Variants in MTUS2 observed in about 807,000 individuals in gnomAD.
The protein encoded by MTUS2 is microtubule associated scaffold protein 2.
A neutral mutation model predicts 114.1 loss-of-function variants in MTUS2; 40 were observed. That is an observed-to-expected ratio of 0.35 (90% confidence interval 0.27 to 0.46). MTUS2 has a LOEUF of 0.46. Among genes scored for constraint, MTUS2 ranks in the 20% least tolerant of loss-of-function variants. The pLI, the probability that MTUS2 is intolerant of heterozygous loss-of-function variation, is 1.00. For missense variants in MTUS2, 1,679 were observed against 1,705.4 expected, an observed-to-expected ratio of 0.98 and a Z score of 0.27; for synonymous variants, 688 against 672.0, an observed-to-expected ratio of 1.02 and a Z score of -0.37.
intron 6 of MTUS2, among the ~76,000 whole-genome samples, chr13:29,320,522 A>G (rs1030942910): frequency 6.6e-6 from 1 of 152,254 alleles, no homozygotes; most frequent in Non-Finnish European, 1.5e-5. Context: ...CTGAGCACTC[A>G]GCCTCCGTGA....
At position 29,084,440 on chromosome 13, in the gene MTUS2, C is replaced by T. The variant is rs990510694; in HGVS notation, c.2447-16333C>T. 2.6e-5 allele frequency among the ~76,000 whole-genome samples: 4 copies of T among 152,014 alleles called. No homozygotes were observed. The East Asian group carries it at 7.7e-4, about 29-fold the overall frequency. ...GCTTAGATTTATAAGTTCCATCCTC[C>T]AGAGAAGTTCAAATCAGTATTGTCA... On this transcript the variant is annotated intron_variant, in intron 4 of 15. Coordinates refer to ENST00000612955, the MANE Select transcript of MTUS2 (RefSeq NM_001033602.4).
chr13:29,390,570 T>A (rs1316623398), intron 8 of MTUS2, among the ~76,000 whole-genome samples: 1 of 148,150 alleles, frequency 6.7e-6, no homozygotes, highest in African/African-American at 2.5e-5. Context: ...GGAGAATCGC[T>A]GGAACCCAGG....
chr13:29,127,634 GA>G (rs1444151417), intron 5 of MTUS2, among the ~76,000 whole-genome samples: 1 of 152,100 alleles, frequency 6.6e-6, no homozygotes, highest in Non-Finnish European at 1.5e-5. Context: ...CTCATTTTTT[GA>G]AATCTCTGTG....
At chr13:29,265,923 T>C (rs1008973532) in intron 5 of MTUS2, among the ~76,000 whole-genome samples, 5 of 152,158 alleles carry the variant, frequency 3.3e-5, no homozygotes, top group Non-Finnish European at 7.4e-5. Context: ...GCATCCTGTG[T>C]GTTTCTCTCT....
Position 29,480,170 on chromosome 13 carries a change from G to A in MTUS2, c.3205G>A (p.Glu1069Lys), listed in dbSNP as rs144118917. Residue 1069 changes from glutamate to lysine, a missense_variant, in exon 10 of 16, where the codon GAG becomes AAG. Glu to Lys is a moderately conservative substitution (Grantham distance 56). Around this residue, in one of 3 missense-constraint regions of MTUS2, gnomAD observed 822 missense variants for 899.7 expected, o/e 0.91. Coordinates refer to ENST00000612955, the MANE Select transcript of MTUS2 (RefSeq NM_001033602.4). The surrounding 1 kb of genome is among the most constrained non-coding windows in gnomAD (Gnocchi z 4.4). ...DEVAFHTAKC[E>K]KLQKEKEELE... is the part of the protein sequence containing the mutation. ...CCCAGCCTTCCATACAGCAAAGTGC[G>A]AGAAACTACAAAAGGAGAAGGAGGA... is the stretch of plus-strand genomic sequence containing the variant. 233 of 1,554,636 alleles carry A rather than the reference G, an allele frequency of 1.5e-4. No individual in the cohort carries two copies. The highest frequency in any genetic ancestry group is 1.9e-4 in the Non-Finnish European group (221 of 1,148,666).
At chr13:29,430,463 A>G (rs1326793091) in intron 8 of MTUS2, among the ~76,000 whole-genome samples, 1 of 152,156 alleles carries the variant, frequency 6.6e-6, no homozygotes, top group Non-Finnish European at 1.5e-5. Flanking sequence ...GTAACTTTCC[A>G]GTGTTTTAGC....
chr13:28,929,402 A>G (rs189110130), intron 2 of MTUS2, among the ~76,000 whole-genome samples: 39 of 152,368 alleles, frequency 2.6e-4, no homozygotes, highest in Middle Eastern at 3.4e-3. Context: ...TACAAATTAT[A>G]AGTATTACAT....
chr13:29,162,967 T>C (rs572136226), intron 5 of MTUS2, among the ~76,000 whole-genome samples: 1 of 151,758 alleles, frequency 6.6e-6, no homozygotes, highest in East Asian at 2.0e-4. Context: ...TAACTCTGTG[T>C]CTTGTCTCTA....
chr13:29,393,199 A>G (rs952783400), intron 8 of MTUS2, among the ~76,000 whole-genome samples: 62 of 152,298 alleles, frequency 4.1e-4, no homozygotes, highest in African/African-American at 1.4e-3. Context: ...TGTATGTTGT[A>G]GTTTCTACTG....
At chr13:29,152,739 G>C (rs1284728918) in intron 5 of MTUS2, among the ~76,000 whole-genome samples, 1 of 151,926 alleles carries the variant, frequency 6.6e-6, no homozygotes, top group Non-Finnish European at 1.5e-5. Flanking sequence ...CCCAAAGATG[G>C]AAAACACAAG....
intron 4 of MTUS2, among the ~76,000 whole-genome samples, chr13:29,047,595 G>C (rs193018097): frequency 0.019 from 2,813 of 150,462 alleles, 44 homozygotes; most frequent in Non-Finnish European, 0.03. Flanking sequence ...CTCACTGCAA[G>C]CTCTGCCTCC....
chr13:29,201,562 G>A (rs990741775), intron 5 of MTUS2, among the ~76,000 whole-genome samples: 6 of 152,230 alleles, frequency 3.9e-5, no homozygotes, highest in Middle Eastern at 3.4e-3. Context: ...GATGCTAGCT[G>A]GTTATTCTGC....
chr13:28,933,557 C>T (rs568584994), intron 2 of MTUS2, among the ~76,000 whole-genome samples: 164 of 152,208 alleles, frequency 1.1e-3, no homozygotes, highest in Non-Finnish European at 2.1e-3. Context: ...ATCAAGTTGA[C>T]ACTTAAAATT....
At chr13:29,190,977 A>G (rs1011141455) in intron 5 of MTUS2, among the ~76,000 whole-genome samples, 8 of 152,118 alleles carry the variant, frequency 5.3e-5, no homozygotes, top group African/African-American at 1.7e-4. Flanking sequence ...CATGCTCCTT[A>G]TAAGAGAGCC....
intron 4 of MTUS2, among the ~76,000 whole-genome samples, chr13:29,085,613 GATCTTGTTCTTTTT>G (rs1195386113): frequency 6.6e-6 from 1 of 152,178 alleles, no homozygotes; most frequent in African/African-American, 2.4e-5. Context: ...CAAAGGACAT[GATCTTGTTCTTTTT>G]TTGTGGCTGT....
At chr13:29,094,975 A>G (rs1410513202) in intron 4 of MTUS2, among the ~76,000 whole-genome samples, 1 of 152,018 alleles carries the variant, frequency 6.6e-6, no homozygotes, top group African/African-American at 2.4e-5. Flanking sequence ...GAATTACCCA[A>G]ATTTCCTTGT....
rs1555287876 is a variant in MTUS2 at position 29,503,742 on chromosome 13, G to GGA, written c.*536_*537insGA. The GGA allele has an allele frequency of 4.9e-6, 1 of 202,512 alleles. No individual in the cohort carries two copies. Among genetic ancestry groups the GGA allele is most frequent in the Non-Finnish European group, 9.9e-6 (1 of 100,586 alleles). The allele number at this position is 202,512 out of a possible 1,614,324, so 12.5% of individuals were successfully genotyped here. ...ATATTTCTACCCAAAATAGAAAAAG[G>GGA]AAAAAAAAAAAGATACAGAGAAGAA... On this transcript the variant is annotated 3_prime_UTR_variant, in exon 16 of 16. Transcript: ENST00000612955.
chr13:29,397,483 C>T (rs966965901), intron 8 of MTUS2, among the ~76,000 whole-genome samples: 2 of 152,166 alleles, frequency 1.3e-5, no homozygotes, highest in African/African-American at 2.4e-5. Context: ...GCAGCATTGG[C>T]GATGTCTGGG....
At chr13:29,318,611 A>G (rs1037694826) in intron 6 of MTUS2, among the ~76,000 whole-genome samples, 9 of 152,084 alleles carry the variant, frequency 5.9e-5, no homozygotes, top group South Asian at 2.1e-4. Context: ...CTCCTTTGCA[A>G]TTGGTCTTTG....
Sources: gnomAD v4.1 joint callset for allele counts (sites outside exome capture counted in the v4.1 genomes callset) on GRCh38, gnomAD v4.1.1 for gene constraint, gnomAD v4.1.1 regional missense constraint, Gnocchi (gnomAD v3.1) non-coding constraint, MANE v1.5 for transcripts, NCBI Gene and HGNC (gene_info 2026-07-23, HGNC 2026-07-21) for gene names.